Variants in ABCA13 observed in about 807,000 individuals in gnomAD.
ABCA13 encodes the protein ATP binding cassette subfamily A member 13, also known as ATP-binding cassette sub-family A member 13.
In ABCA13, 476 loss-of-function variants were observed where a neutral mutation model predicts 478.7. The ratio of observed to expected loss-of-function variants is 0.99; its 90% CI spans 0.92 to 1.07. The LOEUF (loss-of-function observed/expected upper bound fraction) is 1.07, where lower values mean the gene tolerates loss of function less well. Among genes scored for constraint, ABCA13 ranks in the 50% least tolerant of loss-of-function variants. ABCA13 has a pLI of 0.00. For synonymous variants in ABCA13, 2,252 were observed against 2,158.9 expected, an observed-to-expected ratio of 1.04 and a Z score of -1.20; for missense variants, 6,060 against 5,910.6, an observed-to-expected ratio of 1.03 and a Z score of -0.83.
rs538305165 is a variant in ABCA13, at chr7:48,176,955, C to A, written c.69+5403C>A. Among the ~76,000 whole-genome samples the A allele has an allele frequency of 4.6e-5, 7 of 152,276 alleles. No individual in the cohort carries two copies. In the South Asian group the frequency reaches 1.2e-3, roughly 27 times the overall value. ...TTTCTTTTCTAAAACAAAATAATCTCATTTCTTTGAGATTTTTGTCTGTTA... is the reference window on the plus strand; with the variant it reads ...TTTCTTTTCTAAAACAAAATAATCTAATTTCTTTGAGATTTTTGTCTGTTA... On this transcript the variant is annotated intron_variant, in intron 1 of 61. Transcript: ENST00000435803.
At chr7:48,592,250 C>A (rs925539234) in intron 57 of ABCA13, among the ~76,000 whole-genome samples, 4 of 151,630 alleles carry the variant, frequency 2.6e-5, no homozygotes, top group African/African-American at 9.7e-5. Context: ...TTTACTTCAT[C>A]CCATAAGTTT....
At chr7:48,394,958 A>T (rs1246064478) in intron 38 of ABCA13, among the ~76,000 whole-genome samples, 3 of 152,166 alleles carry the variant, frequency 2.0e-5, no homozygotes, top group African/African-American at 7.2e-5. Flanking sequence ...GAAGGGTCAT[A>T]GCAGAGGTAA....
intron 27 of ABCA13, among the ~76,000 whole-genome samples, chr7:48,332,042 A>G (rs950449848): frequency 1.3e-5 from 2 of 152,224 alleles, no homozygotes; most frequent in African/African-American, 4.8e-5. Context: ...ATAATTCCCT[A>G]GAGTAGTATC....
rs570463788 is a variant in ABCA13, at chr7:48,569,809, G to A, written c.14355-10415G>A. Among the ~76,000 whole-genome samples, 17 of 152,256 alleles carry A rather than the reference G, an allele frequency of 1.1e-4. No homozygotes were observed. In the East Asian group the frequency reaches 1.5e-3, roughly 14 times the overall value. On this transcript the variant is annotated intron_variant, in intron 55 of 61. Coordinates refer to ENST00000435803, the MANE Select transcript of ABCA13 (RefSeq NM_152701.5). ...CAAAGTGCTAGAATTACAGGCTTGC[G>A]CTACTGCACCCAGCTAATAAGTCTT...
intron 55 of ABCA13, among the ~76,000 whole-genome samples, chr7:48,563,255 A>G (rs1198688843): frequency 6.8e-6 from 1 of 147,208 alleles, no homozygotes; most frequent in Non-Finnish European, 1.5e-5. Context: ...AGTGAGAAGG[A>G]GTTGTTCTTC....
At chr7:48,234,213 T>G (rs1789603353) in intron 8 of ABCA13, 62 bp downstream of exon 8, 2 of 1,611,564 alleles carry the variant, frequency 1.2e-6, no homozygotes, top group Non-Finnish European at 1.7e-6. Context: ...ATCTAGAGCA[T>G]GCTGCTGGGG....
At chr7:48,548,860 C>T (rs1785058032) in intron 55 of ABCA13, among the ~76,000 whole-genome samples, 1 of 151,542 alleles carries the variant, frequency 6.6e-6, no homozygotes, top group African/African-American at 2.4e-5. Context: ...CTGGGGAGCT[C>T]TAATCCTGTC....
At chr7:48,383,050 G>T (rs942040588) in intron 35 of ABCA13, among the ~76,000 whole-genome samples, 3 of 152,090 alleles carry the variant, frequency 2.0e-5, no homozygotes, top group Non-Finnish European at 4.4e-5. Context: ...AGCCCTGGGA[G>T]ATGAGCCAGC....
chr7:48,248,098 TTACCATGCCA>T, intron 13 of ABCA13, 131 bp from the exon 14 acceptor site: 1 of 644,424 alleles, frequency 1.6e-6, no homozygotes, highest in South Asian at 2.3e-5. Flanking sequence ...ACTTAGATAA[TTACCATGCCA>T]TAGGGCACGA....
At chr7:48,562,006 A>G (rs1786507826) in intron 55 of ABCA13, among the ~76,000 whole-genome samples, 1 of 152,090 alleles carries the variant, frequency 6.6e-6, no homozygotes, top group South Asian at 2.1e-4. Context: ...CCCGTCTCAT[A>G]AGCAGCCCCC....
intron 1 of ABCA13, among the ~76,000 whole-genome samples, chr7:48,186,590 A>G (rs36180864): frequency 0.38 from 58,325 of 151,874 alleles, 12,863 homozygotes; most frequent in Non-Finnish European, 0.5. Flanking sequence ...TCTAAAAAAA[A>G]TTTTAGCCAC....
intron 24 of ABCA13, among the ~76,000 whole-genome samples, chr7:48,311,198 C>T (rs758877190): frequency 3.5e-4 from 54 of 152,212 alleles, no homozygotes; most frequent in Non-Finnish European, 5.1e-4. Flanking sequence ...ATTTCAGCCA[C>T]GCATGATTTC....
In ABCA13 at chr7:48,520,285, G is replaced by T; in HGVS notation, c.14042G>T (p.Arg4681Leu). 6.2e-7 allele frequency: 1 copy of T among 1,610,744 alleles called. No individual in the cohort carries two copies. The highest frequency in any genetic ancestry group is 8.5e-7 in the Non-Finnish European group (1 of 1,177,778). ...GTTCTGCTACACTGGGACCTTCTGCGATGGCCAAGGTGGGTTCTGAAGGAC... is the reference window on the plus strand; with the variant it reads ...GTTCTGCTACACTGGGACCTTCTGCTATGGCCAAGGTGGGTTCTGAAGGAC... ...LRVLLHWDLL[R>L]WPRGHSTLQG... Residue 4681 changes from arginine to leucine, a missense_variant, in exon 53 of 62, where the codon CGA (arginine) becomes CTA (leucine). Physicochemically the swap from Arg to Leu is moderately radical, Grantham distance 102 (BLOSUM62 -2). Around this residue, in one of 3 missense-constraint regions of ABCA13, gnomAD observed 1,627 missense variants for 1,571.0 expected, o/e 1.04. Coordinates refer to ENST00000435803, the MANE Select transcript of ABCA13 (RefSeq NM_152701.5).
chr7:48,568,153 G>T (rs1318726317), intron 55 of ABCA13, among the ~76,000 whole-genome samples: 1 of 152,022 alleles, frequency 6.6e-6, no homozygotes, highest in Admixed American at 6.5e-5. Flanking sequence ...ACTTTGAAAA[G>T]AAACCCTATA....
intron 50 of ABCA13, among the ~76,000 whole-genome samples, chr7:48,509,086 A>C (rs1041864401): frequency 1.3e-5 from 2 of 152,108 alleles, no homozygotes; most frequent in South Asian, 2.1e-4. Flanking sequence ...CTATCCTTCG[A>C]GATTCTATTC....
At chr7:48,510,802 C>T (rs1039262382) in intron 50 of ABCA13, among the ~76,000 whole-genome samples, 2 of 152,136 alleles carry the variant, frequency 1.3e-5, no homozygotes, top group African/African-American at 2.4e-5. Flanking sequence ...GATGAGGGCT[C>T]ACCCAATTGA....
intron 41 of ABCA13, among the ~76,000 whole-genome samples, chr7:48,424,146 C>T (rs10273640): frequency 0.27 from 41,816 of 152,074 alleles, 5,894 homozygotes; most frequent in East Asian, 0.37. Context: ...GATGTTTAGC[C>T]TGCATTCACT....
Position 48,322,179 on chromosome 7 carries a change from C to T in ABCA13, c.9999+4883C>T, listed in dbSNP as rs183551473. On this transcript the variant is annotated intron_variant, in intron 27 of 61. Coordinates refer to ENST00000435803, the MANE Select transcript of ABCA13 (RefSeq NM_152701.5). ...ATCTGTCTGTATGCATAACATCAAT[C>T]AGGAAACAGAGCAGGTCCCATAAAA... is the stretch of plus-strand genomic sequence containing the variant. Among the ~76,000 whole-genome samples, 781 of 152,300 alleles carry T rather than the reference C, an allele frequency of 5.1e-3. 1 individual carries two copies. Among genetic ancestry groups the T allele is most frequent in the Non-Finnish European group, 8.9e-3 (608 of 68,026 alleles).
At chr7:48,256,236 TTCTG>T (rs1487047519) in intron 15 of ABCA13, among the ~76,000 whole-genome samples, 2 of 152,192 alleles carry the variant, frequency 1.3e-5, no homozygotes, top group African/African-American at 4.8e-5. Context: ...TTTTCTCCTG[TTCTG>T]TAGGGTGTCT....
Sources: gnomAD v4.1 joint callset for allele counts (sites outside exome capture counted in the v4.1 genomes callset) on GRCh38, gnomAD v4.1.1 for gene constraint, gnomAD v4.1.1 regional missense constraint, MANE v1.5 for transcripts, NCBI Gene and HGNC (gene_info 2026-07-23, HGNC 2026-07-21) for gene names.